Variants in EHMT1 observed in about 807,000 individuals in gnomAD.
The protein encoded by EHMT1 is euchromatic histone lysine methyltransferase 1.
A neutral mutation model predicts 147.2 loss-of-function variants in EHMT1; 15 were observed. The ratio of observed to expected loss-of-function variants is 0.10; its 90% confidence interval spans 0.07 to 0.16. The LOEUF (loss-of-function observed/expected upper bound fraction) is 0.16, where lower values mean the gene tolerates loss of function less well. Ranked by LOEUF, EHMT1 falls within the 10% of genes least tolerant of loss-of-function variation. The pLI is 1.00. For synonymous variants in EHMT1, 795 were observed against 709.6 expected (o/e 1.12, Z -1.91); for missense variants, 1,587 against 1,772.4 (o/e 0.90, Z 1.88).
intron 1 of EHMT1, among the ~76,000 whole-genome samples, chr9:137,674,275 A>C (rs1941006949): frequency 6.6e-6 from 1 of 152,228 alleles, no homozygotes; most frequent in African/African-American, 2.4e-5. Context: ...CTCTCCATCG[A>C]GCCCTGTTCT....
At chr9:137,738,193 C>CA (rs1166718628) in intron 4 of EHMT1, among the ~76,000 whole-genome samples, 30 of 129,612 alleles carry the variant, frequency 2.3e-4, no homozygotes, top group African/African-American at 7.0e-4. Context: ...GACTCTGTCT[C>CA]AAAAAAAACA....
intron 18 of EHMT1, among the ~76,000 whole-genome samples, chr9:137,801,440 G>A (rs1440771641): frequency 2.0e-5 from 3 of 152,122 alleles, no homozygotes; most frequent in East Asian, 1.9e-4. Flanking sequence ...TCATGCCTCC[G>A]CCTCCCCAGT....
chr9:137,703,992 G>A (rs1944045054), intron 1 of EHMT1, among the ~76,000 whole-genome samples: 1 of 152,130 alleles, frequency 6.6e-6, no homozygotes, highest in Non-Finnish European at 1.5e-5. Context: ...AGGAAACTTA[G>A]CAATCATGGC....
In EHMT1 at chr9:137,817,538, C is replaced by T. The variant is rs754128935; in HGVS notation, c.3461+13C>T. ...CCTTTGTCTGCGAGTGAGTGAGTCC[C>T]TGGGTCACCCCAAGCCTGGTGTCAT... is the stretch of plus-strand genomic sequence containing the variant. On this transcript the variant is annotated intron_variant, in intron 24 of 26. Coordinates refer to ENST00000460843, the MANE Select transcript of EHMT1 (RefSeq NM_024757.5). 2 of 1,614,156 alleles carry T rather than the reference C, an allele frequency of 1.2e-6. No homozygotes were observed.
chr9:137,816,319 C>T, intron 23 of EHMT1: 1 of 542,108 alleles, frequency 1.8e-6, no homozygotes. Context: ...CAGCTAAAAG[C>T]AGAGGAACGG....
At chr9:137,778,723 C>T (rs1213879943) in intron 13 of EHMT1, among the ~76,000 whole-genome samples, 2 of 152,228 alleles carry the variant, frequency 1.3e-5, no homozygotes, top group African/African-American at 4.8e-5. Flanking sequence ...CCACTCTCTC[C>T]CCCATCCCTT....
intron 1 of EHMT1, among the ~76,000 whole-genome samples, chr9:137,673,894 C>T (rs931909036): frequency 3.3e-5 from 5 of 152,178 alleles, no homozygotes; most frequent in African/African-American, 4.8e-5. Flanking sequence ...CCAATACTAG[C>T]AGGACCTGAG....
intron 1 of EHMT1, among the ~76,000 whole-genome samples, chr9:137,696,093 T>C (rs935627146): frequency 3.1e-3 from 1 of 320 alleles, no homozygotes; most frequent in Non-Finnish European, 6.4e-3. Context: ...TATTAATTGT[T>C]TTTTTCCAAA....
intron 18 of EHMT1, chr9:137,802,327 A>G (rs1254691578): frequency 5.0e-6 from 2 of 398,704 alleles, no homozygotes; most frequent in East Asian, 7.1e-5. Context: ...CAGCCCTCAG[A>G]GGTGTGTCCA....
chr9:137,783,290 T>A (rs1951707293), intron 15 of EHMT1, among the ~76,000 whole-genome samples: 1 of 152,216 alleles, frequency 6.6e-6, no homozygotes, highest in African/African-American at 2.4e-5. Context: ...CCAGACCGAT[T>A]TCCTGCCGTG....
At chr9:137,741,205 T>C (rs1209966166) in intron 4 of EHMT1, among the ~76,000 whole-genome samples, 1 of 152,204 alleles carries the variant, frequency 6.6e-6, no homozygotes, top group East Asian at 1.9e-4. Context: ...CTCGATCTCC[T>C]GACCTCGTGA....
rs770070310 is a variant in EHMT1, at chr9:137,818,154, G to T, written c.3540+16G>T. On this transcript the variant is annotated intron_variant, in intron 25 of 26. Transcript: ENST00000460843. ...CGACAATAAGGTAATGTGTTTTGTG[G>T]GGTTGGGGCCACGCAGAACTTGTGA... The T allele has an allele frequency of 6.2e-7, 1 of 1,613,950 alleles. No homozygotes were observed. The highest frequency in any genetic ancestry group is 8.5e-7 in the Non-Finnish European group (1 of 1,179,810).
chr9:137,826,455 T>C (rs7030301), intron 25 of EHMT1, among the ~76,000 whole-genome samples: 22,115 of 152,238 alleles, frequency 0.15, 5,293 homozygotes, highest in African/African-American at 0.5. Flanking sequence ...GACTTTAGCC[T>C]CCAGGTGGCC....
Position 137,775,148 on chromosome 9 carries a change from A to G in EHMT1, c.1687A>G (p.Met563Val). The change falls in exon 11 of 27, where the codon ATG (methionine) becomes GTG (valine). Residue 563 changes from methionine to valine, a missense_variant. Physicochemically the swap from Met to Val is conservative, Grantham distance 21. Around this residue, in one of 7 missense-constraint regions of EHMT1, gnomAD observed 124 missense variants for 197.8 expected, o/e 0.63. Transcript: ENST00000460843. This position sits in a 1 kb window ranked among gnomAD's most constrained non-coding sequence, Gnocchi z 6.1. ...AAACAGCGTGGTCAAGTATGAGCTG[A>G]TGCGCCCCTCCAACAAGGCCCCGCT... ...CTNSVVKYEL[M>V]RPSNKAPLLV... is the part of the protein sequence containing the mutation. 6.2e-7 allele frequency: 1 copy of G among 1,614,008 alleles called. No homozygotes were observed. The highest frequency in any genetic ancestry group is 8.5e-7 in the Non-Finnish European group (1 of 1,180,008).
intron 1 of EHMT1, among the ~76,000 whole-genome samples, chr9:137,707,156 G>A (rs1944336867): frequency 6.6e-6 from 1 of 152,216 alleles, no homozygotes; most frequent in Non-Finnish European, 1.5e-5. Flanking sequence ...AAACTAATTT[G>A]TCCTTAATCT....
intron 16 of EHMT1, among the ~76,000 whole-genome samples, chr9:137,797,444 T>C (rs1419231109): frequency 1.3e-5 from 2 of 152,178 alleles, no homozygotes; most frequent in Non-Finnish European, 2.9e-5. Flanking sequence ...GTCTCTCACC[T>C]GCTTGATTCA....
At chr9:137,682,415 A>G (rs1256791542) in intron 1 of EHMT1, among the ~76,000 whole-genome samples, 2 of 152,138 alleles carry the variant, frequency 1.3e-5, no homozygotes, top group Non-Finnish European at 2.9e-5. Flanking sequence ...AAAATTTATG[A>G]TTTCTAAGAA....
At chr9:137,700,735 A>T (rs990058238) in intron 1 of EHMT1, among the ~76,000 whole-genome samples, 9 of 152,282 alleles carry the variant, frequency 5.9e-5, no homozygotes, top group Middle Eastern at 6.8e-3. Flanking sequence ...AGGCTGTGAC[A>T]TTGATGAGAA....
intron 2 of EHMT1, among the ~76,000 whole-genome samples, chr9:137,714,878 C>T (rs1371040594): frequency 6.6e-6 from 1 of 152,080 alleles, no homozygotes; most frequent in Non-Finnish European, 1.5e-5. Context: ...GACTTGACAG[C>T]TTTGTAATGT....
Sources: gnomAD v4.1 joint callset for allele counts (sites outside exome capture counted in the v4.1 genomes callset) on GRCh38, gnomAD v4.1.1 for gene constraint, gnomAD v4.1.1 regional missense constraint, Gnocchi (gnomAD v3.1) non-coding constraint, MANE v1.5 for transcripts, NCBI Gene and HGNC (gene_info 2026-07-23, HGNC 2026-07-21) for gene names.